The following DMD variants were observed in gnomAD, a reference collection of about 807,000 sequenced individuals.
DMD encodes the protein mutant dystrophin.
In DMD, 63 loss-of-function variants were observed where a neutral mutation model predicts 330.1. The ratio of observed to expected loss-of-function variants is 0.19; its 90% confidence interval spans 0.16 to 0.24. The LOEUF (loss-of-function observed/expected upper bound fraction) is 0.24, where lower values mean the gene tolerates loss of function less well. Ranked by LOEUF, DMD falls within the 10% of genes least tolerant of loss-of-function variation. DMD has a pLI of 1.00. For synonymous variants in DMD, 1,223 were observed against 959.8 expected (o/e 1.27, Z -5.07); for missense variants, 3,344 against 2,684.1 (o/e 1.25, Z -5.43).
rs761789441 is a variant in DMD, at chrX:32,463,387, A to C, written c.3432+52T>G. 14 of 1,101,978 alleles carry C rather than the reference A, an allele frequency of 1.3e-5. No individual in the cohort carries two copies. In the African/African-American group the frequency reaches 2.4e-4, roughly 19 times the overall value. 90.8% of individuals were successfully genotyped at this position (1,101,978 alleles called of 1,213,427 possible). A position where few individuals can be genotyped will look rare whatever the true frequency, so the allele number is the denominator to read the frequency against. ...GTAACGGTGAAGGGAGACATTAGGA[A>C]ATCTTAGTTAAGTACGTTGAGGCAA... On this transcript the variant is annotated intron_variant, in intron 25 of 78. Transcript: ENST00000357033.
chrX:32,809,103 A>G (rs747223529), intron 7 of DMD, among the ~76,000 whole-genome samples: 37 of 112,020 alleles, frequency 3.3e-4, no homozygotes, highest in African/African-American at 9.1e-4. Context: ...TTTATAGAGT[A>G]TATGAATGAA....
At chrX:33,053,595 C>CA (rs2094484552) in intron 1 of DMD, among the ~76,000 whole-genome samples, 1 of 107,604 alleles carries the variant, frequency 9.3e-6, no homozygotes, top group African/African-American at 3.4e-5. Context: ...GACTCCATCT[C>CA]AAAAAAAGAA....
chrX:33,021,399 A>G (rs2093911429), intron 1 of DMD, among the ~76,000 whole-genome samples: 1 of 111,111 alleles, frequency 9.0e-6, no homozygotes, highest in Admixed American at 9.7e-5. Flanking sequence ...ATATAATCAT[A>G]TTAGTTAATG....
At chrX:32,363,922 A>G (rs1270842887) in intron 36 of DMD, among the ~76,000 whole-genome samples, 2 of 111,929 alleles carry the variant, frequency 1.8e-5, no homozygotes, top group Admixed American at 9.5e-5. Context: ...GGGAAAAGAG[A>G]CATCATCAAA....
intron 2 of DMD, among the ~76,000 whole-genome samples, chrX:33,018,702 AAT>A (rs1485559506): frequency 3.6e-5 from 4 of 111,855 alleles, no homozygotes; most frequent in Non-Finnish European, 5.7e-5. Flanking sequence ...TTTGTTTGAA[AAT>A]ATGTCTCTTG....
At chrX:31,815,766 C>A (rs912676868) in intron 50 of DMD, among the ~76,000 whole-genome samples, 1 of 111,521 alleles carries the variant, frequency 9.0e-6, no homozygotes, top group African/African-American at 3.3e-5. Context: ...TGAATCTGGG[C>A]TGATCTTTTG....
At chrX:32,396,152 C>T (rs1357697084) in intron 30 of DMD, among the ~76,000 whole-genome samples, 1 of 110,853 alleles carries the variant, frequency 9.0e-6, no homozygotes. Flanking sequence ...TATCTGTTGG[C>T]AGGGGACATG....
At chrX:31,182,040 A>G (rs1034566130) in intron 68 of DMD, among the ~76,000 whole-genome samples, 2 of 112,569 alleles carry the variant, frequency 1.8e-5, no homozygotes, top group African/African-American at 6.4e-5. Flanking sequence ...CTTGTTTTCC[A>G]TGATATTTTA....
intron 21 of DMD, among the ~76,000 whole-genome samples, chrX:32,476,729 T>C (rs780579128): frequency 9.0e-6 from 1 of 111,423 alleles, no homozygotes; most frequent in Non-Finnish European, 1.9e-5. Flanking sequence ...AAAAGTCTTA[T>C]ACAGAAGCTA....
At chrX:31,455,821 T>C (rs893151733) in intron 59 of DMD, among the ~76,000 whole-genome samples, 1 of 112,064 alleles carries the variant, frequency 8.9e-6, no homozygotes, top group Non-Finnish European at 1.9e-5. Flanking sequence ...CACAAGTTAG[T>C]GCATCTTTTG....
chrX:33,169,268 G>A lies in DMD; in HGVS notation c.31+42014C>T, dbSNP rs751720610. ...CGAAGGCCTCTGAAACAATACAAAT[G>A]ATCTTTATGCCCTAGGGCTACGAAT... On this transcript the variant is annotated intron_variant, in intron 1 of 78. Coordinates refer to ENST00000357033, the MANE Select transcript of DMD (RefSeq NM_004006.3). Among the ~76,000 whole-genome samples the A allele has an allele frequency of 2.6e-4, 29 of 111,798 alleles. 1 individual carries two copies. The South Asian group carries it at 0.011, about 41-fold the overall frequency.
chrX:33,070,124 GA>G (rs2094722597), intron 1 of DMD, among the ~76,000 whole-genome samples: 1 of 111,647 alleles, frequency 9.0e-6, no homozygotes, highest in African/African-American at 3.2e-5. Flanking sequence ...TGCCTAGAAA[GA>G]AAAATGAAGC....
At chrX:31,483,098 G>C (rs1171182591) in intron 57 of DMD, among the ~76,000 whole-genome samples, 5 of 98,502 alleles carry the variant, frequency 5.1e-5, no homozygotes, top group Admixed American at 2.3e-4. Flanking sequence ...CCAGGCTGGA[G>C]TGCAGTGGCG....
chrX:32,440,552 A>G (rs2098277875), intron 28 of DMD, among the ~76,000 whole-genome samples: 1 of 111,598 alleles, frequency 9.0e-6, no homozygotes, highest in African/African-American at 3.2e-5. Context: ...TTCATTACAT[A>G]TAGATAAGTC....
intron 44 of DMD, among the ~76,000 whole-genome samples, chrX:32,045,091 T>A (rs1350771872): frequency 9.0e-6 from 1 of 110,806 alleles, no homozygotes; most frequent in Admixed American, 9.6e-5. Flanking sequence ...GGTTTTTTTT[T>A]AAAGTGTGTG....
intron 1 of DMD, among the ~76,000 whole-genome samples, chrX:33,285,454 G>T (rs1448412745): frequency 8.9e-6 from 1 of 111,777 alleles, no homozygotes; most frequent in Non-Finnish European, 1.9e-5. Context: ...AAACATTTTT[G>T]TTTGTAAGGA....
rs371483314 is a variant in DMD, at chrX:32,736,683, A to G, written c.650-37390T>C. 2.4e-3 allele frequency among the ~76,000 whole-genome samples: 251 copies of G among 104,469 alleles called. 1 individual carries two copies. Among genetic ancestry groups the G allele is most frequent in the African/African-American group, 7.1e-3 (202 of 28,315 alleles). The allele number at this position is 104,469 out of a possible 115,157, so 90.7% of individuals were successfully genotyped here. A position where few individuals can be genotyped will look rare whatever the true frequency, so the allele number is the denominator to read the frequency against. ...TCGCAAGAACAAAAAACCAAACACC[A>G]CATATTCTCACTCATAGGTGGGAAT... On this transcript the variant is annotated intron_variant, in intron 7 of 78. Transcript: ENST00000357033.
intron 44 of DMD, among the ~76,000 whole-genome samples, chrX:32,196,928 G>C (rs2097005044): frequency 1.0e-5 from 1 of 97,044 alleles, no homozygotes; most frequent in African/African-American, 4.0e-5. Flanking sequence ...AGAGCTTGCA[G>C]TGAGCCAAGA....
At chrX:32,053,974 T>G (rs868013411) in intron 44 of DMD, among the ~76,000 whole-genome samples, 60 of 109,507 alleles carry the variant, frequency 5.5e-4, no homozygotes, top group African/African-American at 1.9e-3. Context: ...TAAATGCACA[T>G]AGGAAAATAT....
Sources: gnomAD v4.1 joint callset for allele counts (sites outside exome capture counted in the v4.1 genomes callset) on GRCh38, gnomAD v4.1.1 for gene constraint, MANE v1.5 for transcripts, NCBI Gene and HGNC (gene_info 2026-07-23, HGNC 2026-07-21) for gene names.